The following MBNL1 variants were observed in gnomAD, a reference collection of about 807,000 sequenced individuals.
MBNL1 encodes the protein muscleblind-like protein 1.
In MBNL1, 8 loss-of-function variants were observed where a neutral mutation model predicts 42.2. That is an observed-to-expected ratio of 0.19 (90% CI 0.11 to 0.34). The LOEUF (loss-of-function observed/expected upper bound fraction) is 0.34. MBNL1 is among the 10% of genes least tolerant of loss of function. MBNL1 has a pLI of 1.00. For synonymous variants in MBNL1, 169 were observed against 173.9 expected, an observed-to-expected ratio of 0.97 and a Z score of 0.22; for missense variants, 309 against 495.3, an observed-to-expected ratio of 0.62 and a Z score of 3.57.
intron 2 of MBNL1, among the ~76,000 whole-genome samples, chr3:152,386,021 A>G (rs2097401268): frequency 6.6e-6 from 1 of 152,054 alleles, no homozygotes; most frequent in South Asian, 2.1e-4. Context: ...TAGAATGTCA[A>G]AGGATCCTTT....
At chr3:152,423,615 G>A (rs2098842191) in intron 3 of MBNL1, among the ~76,000 whole-genome samples, 1 of 152,132 alleles carries the variant, frequency 6.6e-6, no homozygotes, top group Non-Finnish European at 1.5e-5. Flanking sequence ...CCAAAATCTG[G>A]TAGAGACACA....
At chr3:152,450,505 G>A (rs1041369425) in intron 6 of MBNL1, among the ~76,000 whole-genome samples, 2 of 152,234 alleles carry the variant, frequency 1.3e-5, no homozygotes, top group Non-Finnish European at 2.9e-5. Flanking sequence ...CACAAGTGAA[G>A]CAAGAATAAA....
At chr3:152,262,941 A>C (rs2036550364) in intron 2 of MBNL1, 1 of 152,210 alleles carries the variant, frequency 6.6e-6, no homozygotes, top group African/African-American at 2.4e-5. Context: ...ACTTGTCTTT[A>C]ACAACAGTCC....
intron 2 of MBNL1, among the ~76,000 whole-genome samples, chr3:152,347,542 T>C (rs1195004626): frequency 6.6e-6 from 1 of 152,150 alleles, no homozygotes; most frequent in Non-Finnish European, 1.5e-5. Flanking sequence ...CAGTTTACAC[T>C]GAAAGCTTTC....
chr3:152,320,445 G>T (rs1220345601), intron 2 of MBNL1, among the ~76,000 whole-genome samples: 1 of 152,064 alleles, frequency 6.6e-6, no homozygotes, highest in African/African-American at 2.4e-5. Context: ...AGCACATGGG[G>T]ACCTAGTCAG....
intron 2 of MBNL1, among the ~76,000 whole-genome samples, chr3:152,247,140 T>C (rs986295224): frequency 1.3e-5 from 2 of 152,136 alleles, no homozygotes; most frequent in East Asian, 1.9e-4. Context: ...AGAAAGTTTG[T>C]TGCCTGAAAG....
At chr3:152,326,933 G>C (rs2152516831) in intron 2 of MBNL1, among the ~76,000 whole-genome samples, 1 of 151,854 alleles carries the variant, frequency 6.6e-6, no homozygotes, top group South Asian at 2.1e-4. Context: ...CTCCCGAGTA[G>C]CTGGAATTAC....
rs751307212 is a variant in MBNL1, at chr3:152,415,108, C to T, written c.342C>T (p.Pro114=). The part of the protein sequence containing the change: ...NAMMPGAPLQ[P]VPMFSVAPSL... Reference sequence around the variant, plus strand: ...TGATGCCTGGTGCCCCATTACAACCCGTGGTAAGCATGTTTTCAGTCTTCA... The same window carrying T: ...TGATGCCTGGTGCCCCATTACAACCTGTGGTAAGCATGTTTTCAGTCTTCA... Residue 114 remains proline (P), a synonymous_variant, in exon 3 of 10, where the codon CCC becomes CCT. Transcript: ENST00000324210. The T allele has an allele frequency of 5.7e-6, 9 of 1,576,012 alleles. No individual in the cohort carries two copies. The highest frequency in any genetic ancestry group is 2.0e-5 in the Admixed American group (1 of 50,040).
chr3:152,255,890 C>T (rs546889008), intron 2 of MBNL1, among the ~76,000 whole-genome samples: 2 of 152,058 alleles, frequency 1.3e-5, no homozygotes, highest in Non-Finnish European at 2.9e-5. Context: ...GATTGACCAG[C>T]GCAAGGGCCA....
At chr3:152,440,833 A>G (rs1051675289) in intron 4 of MBNL1, among the ~76,000 whole-genome samples, 1 of 152,210 alleles carries the variant, frequency 6.6e-6, no homozygotes, top group Non-Finnish European at 1.5e-5. Flanking sequence ...GATCAAAGTG[A>G]TTGATCAAAG....
At chr3:152,269,292 C>G (rs1043538742) in intron 1 of MBNL1, 200 bp downstream of exon 1, 2 of 351,580 alleles carry the variant, frequency 5.7e-6, no homozygotes, top group African/African-American at 4.4e-5. Flanking sequence ...GAGCCGCAGC[C>G]GCTCCTGCGC....
chr3:152,254,620 A>T (rs1257099968), intron 2 of MBNL1, among the ~76,000 whole-genome samples: 2 of 152,114 alleles, frequency 1.3e-5, no homozygotes, highest in Non-Finnish European at 2.9e-5. Context: ...ACTCTAGGAA[A>T]ATTCTTTTTC....
At chr3:152,402,103 G>T (rs975686430) in intron 2 of MBNL1, among the ~76,000 whole-genome samples, 4 of 152,150 alleles carry the variant, frequency 2.6e-5, no homozygotes, top group Non-Finnish European at 5.9e-5. Flanking sequence ...TAACTTGATG[G>T]TGAGCTGGCA....
intron 1 of MBNL1, among the ~76,000 whole-genome samples, chr3:152,290,610 CATT>C (rs748723775): frequency 3.3e-5 from 5 of 152,112 alleles, no homozygotes; most frequent in Non-Finnish European, 7.4e-5. Flanking sequence ...AATTTGCTAC[CATT>C]ATTTAAGCAG....
At chr3:152,450,428 A>G (rs1456035273) in intron 6 of MBNL1, among the ~76,000 whole-genome samples, 2 of 152,212 alleles carry the variant, frequency 1.3e-5, no homozygotes, top group Admixed American at 1.3e-4. Context: ...TTTGTCAGAC[A>G]GTCAGAAAGG....
intron 2 of MBNL1, among the ~76,000 whole-genome samples, chr3:152,350,507 G>T (rs115198998): frequency 0.015 from 2,272 of 152,234 alleles, 49 homozygotes; most frequent in African/African-American, 0.052. Flanking sequence ...AGCAGTGAGG[G>T]TTATTCCACT....
intron 2 of MBNL1, among the ~76,000 whole-genome samples, chr3:152,355,008 G>A (rs2095406331): frequency 6.6e-6 from 1 of 152,028 alleles, no homozygotes; most frequent in South Asian, 2.1e-4. Flanking sequence ...ACCAAACTTG[G>A]GTACTACTGA....
chr3:152,434,747 T>C (rs565727016), intron 4 of MBNL1, among the ~76,000 whole-genome samples: 7 of 152,302 alleles, frequency 4.6e-5, no homozygotes, highest in African/African-American at 1.4e-4. Flanking sequence ...ACATTTTAAC[T>C]GGTGTGAGAT....
At chr3:152,410,284 G>A (rs1454256718) in intron 2 of MBNL1, among the ~76,000 whole-genome samples, 1 of 152,106 alleles carries the variant, frequency 6.6e-6, no homozygotes, top group Non-Finnish European at 1.5e-5. Flanking sequence ...AAAGACTAAT[G>A]AGATAATTCT....
Sources: allele counts gnomAD v4.1 joint callset (sites outside exome capture counted in the v4.1 genomes callset), GRCh38; gene constraint gnomAD v4.1.1; transcripts MANE v1.5; gene names NCBI Gene and HGNC (gene_info 2026-07-23, HGNC 2026-07-21).